The following RELN variants were observed in gnomAD, a reference collection of about 807,000 sequenced individuals.
The protein encoded by RELN is reelin.
Under a neutral mutation model 427.6 loss-of-function variants are expected in RELN, and 108 were observed. The ratio of observed to expected loss-of-function variants is 0.25; its 90% confidence interval spans 0.22 to 0.30. The LOEUF (loss-of-function observed/expected upper bound fraction) is 0.30, where lower values mean the gene tolerates loss of function less well. RELN is among the 10% of genes least tolerant of loss of function. The probability of loss-of-function intolerance (pLI) is 1.00; values close to 1 mark genes in which losing one functional copy is unlikely to be tolerated. For missense variants in RELN, 3,715 were observed against 4,302.8 expected, an observed-to-expected ratio of 0.86 and a Z score of 3.82; for synonymous variants, 1,524 against 1,513.4, an observed-to-expected ratio of 1.01 and a Z score of -0.16.
At chr7:103,636,093 T>C (rs1020850423) in intron 18 of RELN, 142 bp downstream of exon 18, 1 of 697,620 alleles carries the variant, frequency 1.4e-6, no homozygotes, top group African/African-American at 1.8e-5. Flanking sequence ...AAATTAACTC[T>C]CAATAAACTG....
At chr7:103,816,568 A>ACACACACACACACACACACAC in intron 3 of RELN, among the ~76,000 whole-genome samples, 1 of 60,878 alleles carries the variant, frequency 1.6e-5, no homozygotes, top group Non-Finnish European at 4.0e-5. Flanking sequence ...CACACACACA[A>ACACACACACACACACACACAC]CTAAGGCCTT....
chr7:103,487,961 C>T (rs1285704372), intron 60 of RELN, among the ~76,000 whole-genome samples: 1 of 151,554 alleles, frequency 6.6e-6, no homozygotes, highest in East Asian at 1.9e-4. Context: ...CTGACTAACA[C>T]GGTGAAACCC....
At chr7:103,808,969 A>G (rs1471353099) in intron 3 of RELN, among the ~76,000 whole-genome samples, 1 of 152,206 alleles carries the variant, frequency 6.6e-6, no homozygotes, top group Non-Finnish European at 1.5e-5. Context: ...TGGTAAAAAC[A>G]GAATCATAAA....
chr7:103,920,584 T>G lies in RELN; in HGVS notation c.227-3399A>C, dbSNP rs1795594220. 8.2e-5 allele frequency among the ~76,000 whole-genome samples: 5 copies of G among 61,074 alleles called. No homozygotes were observed. In the South Asian group the frequency reaches 3.8e-3, roughly 47 times the overall value. The allele number at this position is 61,074 out of a possible 152,430, so 40.1% of individuals were successfully genotyped here. ...AGTCTTTGGTTTTTTTTTTTGTTTT[T>G]TTTTTTTTTGAGAGAGTCTCGCTCT... is the stretch of plus-strand genomic sequence containing the variant. On this transcript the variant is annotated intron_variant, in intron 1 of 64. Coordinates refer to ENST00000428762, the MANE Select transcript of RELN (RefSeq NM_005045.4).
At chr7:103,803,635 G>C (rs954606921) in intron 3 of RELN, among the ~76,000 whole-genome samples, 1 of 152,060 alleles carries the variant, frequency 6.6e-6, no homozygotes, top group South Asian at 2.1e-4. Flanking sequence ...AAGTTGCTTA[G>C]AGATTGAAAT....
chr7:103,573,607 A>G lies in RELN; in HGVS notation c.4511+485T>C, dbSNP rs1161019041. On this transcript the variant is annotated intron_variant, in intron 30 of 64. Transcript: ENST00000428762. The surrounding 1 kb of genome is among the most constrained non-coding windows in gnomAD (Gnocchi z 4.4). ...GCAGTTTTATTTTAGGTGTGCTATT[A>G]TTTCATTTGATCTTAAAAACCAAAC... is the stretch of plus-strand genomic sequence containing the variant. Among the ~76,000 whole-genome samples, 1 of 152,192 alleles carries G rather than the reference A, an allele frequency of 6.6e-6. No individual in the cohort carries two copies. Among genetic ancestry groups the G allele is most frequent in the Non-Finnish European group, 1.5e-5 (1 of 68,010 alleles).
At chr7:103,556,946 T>C (rs1301099903) in intron 38 of RELN, 31 bp downstream of exon 38, 1 of 1,556,578 alleles carries the variant, frequency 6.4e-7, no homozygotes, top group Non-Finnish European at 8.9e-7. Context: ...CACTATCAGT[T>C]CTGATCACAG....
At chr7:103,637,600 A>G (rs1832610113) in intron 17 of RELN, among the ~76,000 whole-genome samples, 1 of 152,208 alleles carries the variant, frequency 6.6e-6, no homozygotes, top group Non-Finnish European at 1.5e-5. Context: ...GCTAAGAACT[A>G]CTGTAGCATG....
At chr7:103,819,076 G>GCA (rs1792952478) in intron 3 of RELN, among the ~76,000 whole-genome samples, 1 of 152,054 alleles carries the variant, frequency 6.6e-6, no homozygotes, top group Admixed American at 6.6e-5. Context: ...GTGCACATGT[G>GCA]CAGGTGTCAG....
Position 103,620,883 on chromosome 7 carries a change from T to G in RELN, c.2702+9057A>C, listed in dbSNP as rs1245184506. Among the ~76,000 whole-genome samples the G allele has an allele frequency of 6.6e-6, 1 of 152,168 alleles. No homozygotes were observed. Among genetic ancestry groups the G allele is most frequent in the Non-Finnish European group, 1.5e-5 (1 of 68,028 alleles). On this transcript the variant is annotated intron_variant, in intron 20 of 64. Transcript: ENST00000428762. This position sits in a 1 kb window ranked among gnomAD's most constrained non-coding sequence, Gnocchi z 4.1. The stretch of plus-strand genomic sequence containing the variant: ...TCTATTTCCTTGAACATCACTTCCT[T>G]TTAGAACAGAACACACTGGTTGATG...
intron 61 of RELN, among the ~76,000 whole-genome samples, chr7:103,485,772 C>T (rs1293768374): frequency 6.6e-6 from 1 of 152,056 alleles, no homozygotes; most frequent in Non-Finnish European, 1.5e-5. Flanking sequence ...ATCCATCCAT[C>T]CTCCATTTCT....
chr7:103,759,652 T>C (rs902763909), intron 4 of RELN, among the ~76,000 whole-genome samples: 1 of 152,160 alleles, frequency 6.6e-6, no homozygotes, highest in Non-Finnish European at 1.5e-5. Context: ...TGAATTAATA[T>C]GGCCTTCATC....
At chr7:103,764,303 C>T (rs1288329715) in intron 4 of RELN, among the ~76,000 whole-genome samples, 1 of 152,066 alleles carries the variant, frequency 6.6e-6, no homozygotes, top group Non-Finnish European at 1.5e-5. Context: ...GAATGGTATG[C>T]AGTGGCCAAA....
intron 59 of RELN, 48 bp downstream of exon 59, chr7:103,490,620 T>C (rs758548758): frequency 1.9e-6 from 3 of 1,595,432 alleles, no homozygotes; most frequent in Non-Finnish European, 2.6e-6. Flanking sequence ...ATGAACTCTG[T>C]AGAGAGGCCA....
intron 62 of RELN, among the ~76,000 whole-genome samples, chr7:103,483,366 G>C (rs545197471): frequency 2.0e-5 from 3 of 152,304 alleles, no homozygotes; most frequent in African/African-American, 7.2e-5. Context: ...TCTAAGACTA[G>C]AAAAACTGGT....
At chr7:103,792,777 T>C (rs1324949936) in intron 3 of RELN, among the ~76,000 whole-genome samples, 1 of 152,020 alleles carries the variant, frequency 6.6e-6, no homozygotes, top group Non-Finnish European at 1.5e-5. Flanking sequence ...ATAAATTTTA[T>C]GGGAAGTGAA....
intron 1 of RELN, among the ~76,000 whole-genome samples, chr7:103,928,983 T>C (rs1795803370): frequency 6.6e-6 from 1 of 152,200 alleles, no homozygotes. Flanking sequence ...TATATTATAA[T>C]AATTCAAGCC....
Position 103,898,018 on chromosome 7 carries a change from C to T in RELN, c.337+19057G>A, listed in dbSNP as rs139316305. Among the ~76,000 whole-genome samples, 556 of 152,154 alleles carry T rather than the reference C, an allele frequency of 3.7e-3. 5 individuals are homozygous for T. Among genetic ancestry groups the T allele is most frequent in the African/African-American group, 0.013 (527 of 41,526 alleles). On this transcript the variant is annotated intron_variant, in intron 2 of 64. Transcript: ENST00000428762. ...TTATTCATAGAAAATAAACAATGAG[C>T]ATGTCTAACCAATTTATTAACTGAC...
At chr7:103,970,726 A>G (rs1008672142) in intron 1 of RELN, among the ~76,000 whole-genome samples, 3 of 152,232 alleles carry the variant, frequency 2.0e-5, no homozygotes, top group Non-Finnish European at 4.4e-5. Flanking sequence ...TTATGTATTG[A>G]TGCTTTGATG....
Sources: gnomAD v4.1 joint callset for allele counts (sites outside exome capture counted in the v4.1 genomes callset) on GRCh38, gnomAD v4.1.1 for gene constraint, Gnocchi (gnomAD v3.1) non-coding constraint, MANE v1.5 for transcripts, NCBI Gene and HGNC (gene_info 2026-07-23, HGNC 2026-07-21) for gene names.